Variants in PXDN observed in about 807,000 individuals in gnomAD.
The protein encoded by PXDN is peroxidasin.
In PXDN, 77 loss-of-function variants were observed where a neutral mutation model predicts 140.3. The ratio of observed to expected loss-of-function variants is 0.55; its 90% CI spans 0.46 to 0.66. The LOEUF (loss-of-function observed/expected upper bound fraction) is 0.66. Among genes scored for constraint, PXDN ranks in the 30% least tolerant of loss-of-function variants. The probability of loss-of-function intolerance (pLI) is 0.00; values close to 1 mark genes in which losing one functional copy is unlikely to be tolerated. For missense variants in PXDN, 1,838 were observed against 2,039.5 expected (o/e 0.90, Z 1.90); for synonymous variants, 911 against 857.4 (o/e 1.06, Z -1.09).
Position 1,693,044 on chromosome 2 carries a change from A to G in PXDN, c.272+19T>C, listed in dbSNP as rs1226592030. The G allele has an allele frequency of 6.6e-7, 1 of 1,517,156 alleles. No homozygotes were observed. The highest frequency in any genetic ancestry group is 1.4e-5 in the African/African-American group (1 of 72,360). 94.0% of individuals were successfully genotyped at this position (1,517,156 alleles called of 1,614,324 possible). On this transcript the variant is annotated intron_variant, in intron 2 of 22. Transcript: ENST00000252804. ...ATTTCTATTTTTCTATTAGTTTCCA[A>G]TAGAATATTTCCACTCACAATGTGT...
chr2:1,689,166 CT>C (rs1191524145), intron 3 of PXDN, among the ~76,000 whole-genome samples: 2 of 152,152 alleles, frequency 1.3e-5, no homozygotes, highest in Admixed American at 1.3e-4. Context: ...GTTTCCTCTT[CT>C]CTAAAATGGA....
At chr2:1,711,517 C>T (rs1684780145) in intron 1 of PXDN, among the ~76,000 whole-genome samples, 2 of 131,908 alleles carry the variant, frequency 1.5e-5, no homozygotes, top group East Asian at 2.3e-4. Context: ...CCACCAGCAC[C>T]CACTCCACCA....
rs533793674 is a variant in PXDN at position 1,665,141 on chromosome 2, A to G, written c.1292-67T>C. 9.2e-6 allele frequency: 11 copies of G among 1,190,826 alleles called. No homozygotes were observed. The East Asian group carries it at 2.3e-4, about 25-fold the overall frequency. 73.8% of individuals were successfully genotyped at this position (1,190,826 alleles called of 1,614,324 possible). On this transcript the variant is annotated intron_variant, in intron 10 of 22. Coordinates refer to ENST00000252804, the MANE Select transcript of PXDN (RefSeq NM_012293.3). ...AGCCTGGGGTAAAAACGCGACCAAG[A>G]AAATGACCACAGTCTTGGCAGACGT...
chr2:1,743,521 G>T (rs982220901), intron 1 of PXDN, among the ~76,000 whole-genome samples: 1 of 151,786 alleles, frequency 6.6e-6, no homozygotes, highest in South Asian at 2.1e-4. Flanking sequence ...GGGAGCGGGG[G>T]CGCCGCGGCT....
intron 18 of PXDN, among the ~76,000 whole-genome samples, chr2:1,643,996 C>T (rs533478516): frequency 6.4e-5 from 8 of 125,180 alleles, no homozygotes; most frequent in East Asian, 2.8e-4. Flanking sequence ...GGGGTGAACC[C>T]GGGAGGCAGA....
chr2:1,683,847 T>C, intron 5 of PXDN, 120 bp from the exon 6 acceptor site: 1 of 909,410 alleles, frequency 1.1e-6, no homozygotes, highest in Admixed American at 3.1e-5. Context: ...TTACATTTAT[T>C]TAATACAAAT....
intron 6 of PXDN, 142 bp downstream of exon 6, chr2:1,683,514 A>C (rs1683969256): frequency 1.2e-6 from 1 of 803,336 alleles, no homozygotes; most frequent in African/African-American, 1.8e-5. Context: ...TAATGGATTC[A>C]ATCCACCCTC....
intron 16 of PXDN, among the ~76,000 whole-genome samples, chr2:1,650,872 T>C (rs1225331128): frequency 6.6e-6 from 1 of 151,990 alleles, no homozygotes; most frequent in Non-Finnish European, 1.5e-5. Flanking sequence ...AGATCACAGG[T>C]ATCACTATGG....
rs1558494308 is a variant in PXDN, at chr2:1,658,054, CTCTCTCTCTCTCTCTCTCTCTCTCTCT to C, written c.1837+2800_1837+2826del. 3.8e-5 allele frequency among the ~76,000 whole-genome samples: 5 copies of C among 130,180 alleles called. 1 individual carries two copies. The highest frequency in any genetic ancestry group is 4.6e-4 in the East Asian group (2 of 4,354). 85.4% of individuals were successfully genotyped at this position (130,180 alleles called of 152,430 possible). On this transcript the variant is annotated intron_variant, in intron 14 of 22. Coordinates refer to ENST00000252804, the MANE Select transcript of PXDN (RefSeq NM_012293.3). Reference sequence around the variant, plus strand: ...TCTCTCTCTCTCTCTCTCTCTCTCTCTCTCTCTCTCTCTCTCTCTCTCTCTCTCTCTCTCTCTCTGTTACAGTGTCTG... The same window carrying C: ...TCTCTCTCTCTCTCTCTCTCTCTCTCCTCTCTCTCTCTGTTACAGTGTCTG...
chr2:1,639,205 C>A lies in PXDN; in HGVS notation c.4073+97G>T. ...TGGGACGTCCCTGCCAGGAACCATC[C>A]TCGCCACAGGCCCACAGCAGGATGC... On this transcript the variant is annotated intron_variant, in intron 20 of 22. Transcript: ENST00000252804. This position sits in a 1 kb window ranked among gnomAD's most constrained non-coding sequence, Gnocchi z 5.0. The A allele has an allele frequency of 6.5e-7, 1 of 1,529,856 alleles. No individual in the cohort carries two copies. The highest frequency in any genetic ancestry group is 1.2e-5 in the South Asian group (1 of 80,714). 94.8% of individuals were successfully genotyped at this position (1,529,856 alleles called of 1,614,324 possible).
chr2:1,644,491 C>G, intron 18 of PXDN, 127 bp downstream of exon 18: 1 of 1,124,804 alleles, frequency 8.9e-7, no homozygotes, highest in South Asian at 3.5e-5. Flanking sequence ...TCATTCTCAA[C>G]CGGGGACACA....
intron 1 of PXDN, among the ~76,000 whole-genome samples, chr2:1,740,888 C>T (rs564367819): frequency 6.6e-6 from 1 of 152,326 alleles, no homozygotes; most frequent in African/African-American, 2.4e-5. Context: ...CTGCCATGCG[C>T]CTGCCTGTGG....
Position 1,687,188 on chromosome 2 carries a change from A to G in PXDN, c.416+444T>C, listed in dbSNP as rs1477556110. Among the ~76,000 whole-genome samples, 1 of 152,264 alleles carries G rather than the reference A, an allele frequency of 6.6e-6. No individual in the cohort carries two copies. Among genetic ancestry groups the G allele is most frequent in the Non-Finnish European group, 1.5e-5 (1 of 68,050 alleles). Reference sequence around the variant, plus strand: ...AATGTCACCACAATTGAAGAAATTCAGCTTCATGTGTTCACAGTCATAAGG... The same window carrying G: ...AATGTCACCACAATTGAAGAAATTCGGCTTCATGTGTTCACAGTCATAAGG... On this transcript the variant is annotated intron_variant, in intron 4 of 22. Coordinates refer to ENST00000252804, the MANE Select transcript of PXDN (RefSeq NM_012293.3). This position sits in a 1 kb window ranked among gnomAD's most constrained non-coding sequence, Gnocchi z 4.0.
In PXDN at chr2:1,662,309, G is replaced by C. The variant is rs1260141620; in HGVS notation, c.1568-125C>G. On this transcript the variant is annotated intron_variant, in intron 12 of 22. Transcript: ENST00000252804. ...TGCTGGGAGCTCACAGTCAGTTTCA[G>C]AATGGGCCCTTTCTCTGCCTCCCAG... The C allele has an allele frequency of 4.9e-6, 4 of 818,010 alleles. No homozygotes were observed. In the Admixed American group the frequency reaches 6.1e-5, roughly 12 times the overall value. 50.7% of individuals were successfully genotyped at this position (818,010 alleles called of 1,614,324 possible).
At chr2:1,663,948 T>C (rs1572139551) in intron 11 of PXDN, 185 bp from the exon 12 acceptor site, 1 of 643,292 alleles carries the variant, frequency 1.6e-6, no homozygotes, top group East Asian at 2.8e-5. Context: ...TGAACGTCCC[T>C]GCACCCGTAA....
At chr2:1,637,745 T>C (rs12714339) in intron 21 of PXDN, among the ~76,000 whole-genome samples, 78,024 of 91,520 alleles carry the variant, frequency 0.85, 34,053 homozygotes, top group East Asian at 0.95. Context: ...CTCTAGGCTG[T>C]GGAGGGAGGA....
chr2:1,712,181 G>A (rs1201709886), intron 1 of PXDN, among the ~76,000 whole-genome samples: 1 of 152,130 alleles, frequency 6.6e-6, no homozygotes, highest in Non-Finnish European at 1.5e-5. Context: ...AAAGAAGACT[G>A]GGAAGTAAAT....
intron 15 of PXDN, chr2:1,654,029 C>T (rs929557979): frequency 1.1e-5 from 6 of 521,908 alleles, no homozygotes; most frequent in Non-Finnish European, 1.7e-5. Context: ...ACAGATATTG[C>T]ATTTCACATA....
At chr2:1,701,536 C>T (rs1684429330) in intron 1 of PXDN, among the ~76,000 whole-genome samples, 1 of 152,018 alleles carries the variant, frequency 6.6e-6, no homozygotes. Context: ...AGGTGGGAAA[C>T]CTCAGGATGC....
Sources: allele counts gnomAD v4.1 joint callset (sites outside exome capture counted in the v4.1 genomes callset), GRCh38; gene constraint gnomAD v4.1.1; non-coding constraint Gnocchi (gnomAD v3.1); transcripts MANE v1.5; gene names NCBI Gene and HGNC (gene_info 2026-07-23, HGNC 2026-07-21).